Variants in CCDC171 observed in about 807,000 individuals in gnomAD.
The protein encoded by CCDC171 is coiled-coil domain containing 171.
In CCDC171, 177 loss-of-function variants were observed where a neutral mutation model predicts 168.2. The ratio of observed to expected loss-of-function variants is 1.05; its 90% CI spans 0.93 to 1.19. CCDC171 has a LOEUF of 1.19. CCDC171 is among the 50% of genes most tolerant of loss of function. The probability of loss-of-function intolerance (pLI) is 0.00; values close to 1 mark genes in which losing one functional copy is unlikely to be tolerated. For missense variants in CCDC171, 1,991 were observed against 1,539.0 expected (o/e 1.29, Z -4.91); for synonymous variants, 687 against 540.8 (o/e 1.27, Z -3.75).
At chr9:16,005,463 T>A (rs938543000) in intron 3 of CCDC171, among the ~76,000 whole-genome samples, 9 of 152,240 alleles carry the variant, frequency 5.9e-5, no homozygotes, top group Non-Finnish European at 1.2e-4. Flanking sequence ...ATAAACATTC[T>A]GTGCAAGTTT....
intron 24 of CCDC171, among the ~76,000 whole-genome samples, chr9:15,911,978 G>A (rs536018676): frequency 2.0e-5 from 3 of 152,304 alleles, no homozygotes; most frequent in African/African-American, 4.8e-5. Context: ...AAGTCAGGTC[G>A]TGTGATCCCT....
At chr9:15,717,212 T>A (rs944153601) in intron 11 of CCDC171, among the ~76,000 whole-genome samples, 1 of 152,058 alleles carries the variant, frequency 6.6e-6, no homozygotes, top group Non-Finnish European at 1.5e-5. Context: ...GGACTTTGCA[T>A]TGAAGCTCAG....
At chr9:15,913,383 A>G (rs1380225808) in intron 24 of CCDC171, among the ~76,000 whole-genome samples, 2 of 151,896 alleles carry the variant, frequency 1.3e-5, no homozygotes, top group Non-Finnish European at 1.5e-5. Flanking sequence ...TCTCCCCTTT[A>G]TGATTTGTTA....
At chr9:16,075,845 T>C in the CCDC171 span, among the ~76,000 whole-genome samples, 8 of 152,152 alleles carry the variant, frequency 5.3e-5, no homozygotes, top group Middle Eastern at 3.4e-3. Flanking sequence ...AAAGAGAGAA[T>C]AGCATAGCAT....
downstream of CCDC171, among the ~76,000 whole-genome samples, chr9:16,063,069 C>T (rs1180010911): frequency 3.9e-5 from 6 of 152,070 alleles, no homozygotes; most frequent in Non-Finnish European, 2.9e-5. Flanking sequence ...AGTTGGCGCT[C>T]GGTGACTATT....
intron 3 of CCDC171, among the ~76,000 whole-genome samples, chr9:15,996,315 C>T (rs1183741726): frequency 5.9e-5 from 9 of 151,786 alleles, no homozygotes; most frequent in South Asian, 2.1e-4. Flanking sequence ...TGCGCCTGGC[C>T]GGCACACCTG....
chr9:15,566,908 G>T (rs1315906786), intron 2 of CCDC171, among the ~76,000 whole-genome samples: 1 of 152,004 alleles, frequency 6.6e-6, no homozygotes, highest in Non-Finnish European at 1.5e-5. Flanking sequence ...CAGCAGCGTT[G>T]TTGATAAGAG....
chr9:15,618,880 T>C (rs2044296208), intron 6 of CCDC171, among the ~76,000 whole-genome samples: 1 of 151,526 alleles, frequency 6.6e-6, no homozygotes, highest in Non-Finnish European at 1.5e-5. Context: ...TGTACCTCAG[T>C]TGGAAATGCA....
intron 25 of CCDC171, among the ~76,000 whole-genome samples, chr9:15,968,933 A>G (rs1831079107): frequency 6.6e-6 from 1 of 152,332 alleles, no homozygotes; most frequent in South Asian, 2.1e-4. Flanking sequence ...AGATGATCCC[A>G]GTAGCAAAAG....
At position 15,564,112 on chromosome 9, in the gene CCDC171, T is replaced by G; in HGVS notation, c.24T>G (p.Asn8Lys). Reference sequence around the variant, plus strand: ...TCATGAATTTGAATACTTCAAGTAATACTGGTGATACCCAAAGGTAAGCCT... The same window carrying G: ...TCATGAATTTGAATACTTCAAGTAAGACTGGTGATACCCAAAGGTAAGCCT... Reference protein sequence around the residue: MNLNTSSNTGDTQRLKIA... With the variant: MNLNTSSKTGDTQRLKIA... The change falls in exon 2 of 26, where the codon AAT becomes AAG. Residue 8 changes from asparagine to lysine, a missense_variant. Coordinates refer to ENST00000380701, the MANE Select transcript of CCDC171 (RefSeq NM_173550.4). The G allele has an allele frequency of 6.2e-7, 1 of 1,608,294 alleles. No homozygotes were observed. The highest frequency in any genetic ancestry group is 2.2e-5 in the East Asian group (1 of 44,760).
At chr9:15,710,796 C>T (rs373392411) in intron 11 of CCDC171, among the ~76,000 whole-genome samples, 3 of 151,652 alleles carry the variant, frequency 2.0e-5, no homozygotes, top group Non-Finnish European at 2.9e-5. Context: ...GGGGTTTTGC[C>T]GTGTTGACCA....
intron 7 of CCDC171, among the ~76,000 whole-genome samples, chr9:15,627,657 GT>G (rs2045278358): frequency 6.6e-6 from 1 of 152,216 alleles, no homozygotes; most frequent in South Asian, 2.1e-4. Flanking sequence ...CTGAGTTCTA[GT>G]TTGAATGCAC....
intron 7 of CCDC171, among the ~76,000 whole-genome samples, chr9:15,653,504 T>G (rs996914864): frequency 2.6e-5 from 4 of 152,088 alleles, no homozygotes; most frequent in Admixed American, 2.0e-4. Flanking sequence ...CTTTAATAAC[T>G]TTGCTTTTGT....
chr9:16,001,962 GAGTAGCTGGGAC>G (rs1832559557), intron 3 of CCDC171, among the ~76,000 whole-genome samples: 1 of 149,362 alleles, frequency 6.7e-6, no homozygotes, highest in Non-Finnish European at 1.5e-5. Context: ...CTCAGCCTCC[GAGTAGCTGGGAC>G]TACAGGCAGG....
intron 3 of CCDC171, among the ~76,000 whole-genome samples, chr9:15,983,493 TGTG>T (rs1564100546): frequency 7.1e-6 from 1 of 140,112 alleles, no homozygotes; most frequent in African/African-American, 2.4e-5. Context: ...TGTGTGTGTG[TGTG>T]TGTGTGTGTG....
chr9:15,864,737 A>G (rs1366967332), intron 23 of CCDC171, among the ~76,000 whole-genome samples: 1 of 152,146 alleles, frequency 6.6e-6, no homozygotes, highest in Non-Finnish European at 1.5e-5. Context: ...TATGATAAAA[A>G]TAAGTACTTA....
At chr9:15,784,725 G>T (rs748235358) in intron 21 of CCDC171, 31 bp downstream of exon 21, 2 of 1,521,244 alleles carry the variant, frequency 1.3e-6, no homozygotes, top group South Asian at 1.2e-5. Context: ...TTGCATAAAG[G>T]GATATTTTAT....
intron 25 of CCDC171, among the ~76,000 whole-genome samples, chr9:15,946,054 A>C (rs200388033): frequency 6.6e-6 from 1 of 151,794 alleles, no homozygotes; most frequent in South Asian, 2.1e-4. Flanking sequence ...AATTGATTTT[A>C]GTATAAGGTG....
chr9:15,623,475 G>GCACACACACACACACACACACACA (rs1554714957), intron 7 of CCDC171, 62 bp downstream of exon 7: 10 of 315,432 alleles, frequency 3.2e-5, no homozygotes, highest in East Asian at 1.6e-4. Context: ...GCGCGCGCGC[G>GCACACACACACACACACACACACA]CACACACACA....
Sources: gnomAD v4.1 joint callset for allele counts (sites outside exome capture counted in the v4.1 genomes callset) on GRCh38, gnomAD v4.1.1 for gene constraint, MANE v1.5 for transcripts, NCBI Gene and HGNC (gene_info 2026-07-23, HGNC 2026-07-21) for gene names.